The following NDRG4 variants were observed in gnomAD, a reference collection of about 807,000 sequenced individuals.
NDRG4 encodes NDRG family member 4, also known as protein NDRG4.
NDRG4 carries 38 observed loss-of-function variants against 55.8 expected under a neutral mutation model. That is an observed-to-expected ratio of 0.68 (90% CI 0.53 to 0.89). NDRG4 has a LOEUF of 0.89. NDRG4 is among the 40% of genes least tolerant of loss of function. The pLI is 0.00. For synonymous variants in NDRG4, 190 were observed against 182.7 expected, an observed-to-expected ratio of 1.04 and a Z score of -0.32; for missense variants, 455 against 468.6, an observed-to-expected ratio of 0.97 and a Z score of 0.27.
chr16:58,508,959 CA>C lies in NDRG4; in HGVS notation c.730-2del. 1 of 1,613,756 alleles carries C rather than the reference CA, an allele frequency of 6.2e-7. No individual in the cohort carries two copies. The highest frequency in any genetic ancestry group is 8.5e-7 in the Non-Finnish European group (1 of 1,179,898). On this transcript the variant is annotated splice_acceptor_variant, in intron 10 of 14. Transcript: ENST00000570248. LOFTEE classifies it high-confidence loss of function. ...GTTGCTGAAGCTGGCTCCTTGTCCT[CA>C]GGTGGAGTGCAACTCCAAACTGGAC...
intron 1 of NDRG4, among the ~76,000 whole-genome samples, chr16:58,485,648 G>C (rs1363972768): frequency 6.6e-6 from 1 of 152,128 alleles, no homozygotes; most frequent in Non-Finnish European, 1.5e-5. Context: ...TGAAAGGATG[G>C]AAATGGGAGC....
upstream of NDRG4, among the ~76,000 whole-genome samples, chr16:58,495,283 C>T (rs1487721699): frequency 6.6e-6 from 1 of 152,214 alleles, no homozygotes; most frequent in Non-Finnish European, 1.5e-5. Flanking sequence ...TAAAATAGCT[C>T]CTGTTTCCAT....
At chr16:58,500,442 A>T in intron 1 of NDRG4, 173 bp downstream of exon 1, 2 of 775,826 alleles carry the variant, frequency 2.6e-6, no homozygotes, top group Non-Finnish European at 3.7e-6. Flanking sequence ...TTCCCTGGTG[A>T]TCCTGTTTGC....
At chr16:58,490,767 C>T (rs1029056947) in intron 2 of NDRG4, among the ~76,000 whole-genome samples, 4 of 152,068 alleles carry the variant, frequency 2.6e-5, no homozygotes, top group South Asian at 2.1e-4. Flanking sequence ...ACCTGAGATC[C>T]GGAGTTCAAG....
intron 1 of NDRG4, 178 bp from the exon 2 acceptor site, chr16:58,503,620 G>A: frequency 8.0e-7 from 1 of 1,245,480 alleles, no homozygotes; most frequent in Admixed American, 2.0e-5. Context: ...ACAGCCCTGA[G>A]AAGGGGTGTT....
intron 1 of NDRG4, among the ~76,000 whole-genome samples, chr16:58,469,404 C>T (rs1381434327): frequency 6.6e-6 from 1 of 152,072 alleles, no homozygotes; most frequent in Non-Finnish European, 1.5e-5. Flanking sequence ...GAGGGGCGTG[C>T]TGTTCCTCTG....
rs1166088567 is a variant in NDRG4 at position 58,512,329 on chromosome 16, C to T, written c.*753C>T. ...CCTGGTCCTCTGTCCCCACAGTGAC[C>T]TGACTGGGGGTGAGGGAGAAGGAGG... On this transcript the variant is annotated 3_prime_UTR_variant, in exon 15 of 15. Transcript: ENST00000570248. 1.2e-5 allele frequency: 4 copies of T among 339,184 alleles called. No individual in the cohort carries two copies. Among genetic ancestry groups the T allele is most frequent in the Non-Finnish European group, 1.7e-5 (3 of 173,204 alleles). 21.0% of individuals were successfully genotyped at this position (339,184 alleles called of 1,614,324 possible).
chr16:58,507,701 A>T, intron 8 of NDRG4, 107 bp from the exon 9 acceptor site: 1 of 1,034,638 alleles, frequency 9.7e-7, no homozygotes, highest in Non-Finnish European at 1.5e-6. Context: ...TATGCAGAGC[A>T]GGTCCACGCC....
chr16:58,498,752 G>A (rs566350711), upstream of NDRG4, among the ~76,000 whole-genome samples: 4 of 152,222 alleles, frequency 2.6e-5, no homozygotes, highest in East Asian at 5.8e-4. Flanking sequence ...AAATGGGGCA[G>A]TCTGTGTGCC....
At position 58,513,383 on chromosome 16, in the gene NDRG4, G is replaced by A. The variant is rs1263223822; in HGVS notation, c.*1807G>A. The A allele has an allele frequency of 6.6e-6, 1 of 152,210 alleles. No homozygotes were observed. The highest frequency in any genetic ancestry group is 1.5e-5 in the Non-Finnish European group (1 of 68,048). 9.4% of individuals were successfully genotyped at this position (152,210 alleles called of 1,614,324 possible). A position where few individuals can be genotyped will look rare whatever the true frequency, so the allele number is the denominator to read the frequency against. Reference sequence around the variant, plus strand: ...CTAGTCAACGTAGAAAGAGTTAACTGTGCTGAAAAACTAATAAAGAACCTA... The same window carrying A: ...CTAGTCAACGTAGAAAGAGTTAACTATGCTGAAAAACTAATAAAGAACCTA... On this transcript the variant is annotated 3_prime_UTR_variant, in exon 15 of 15. Transcript: ENST00000570248.
chr16:58,504,831 T>C (rs915497417), intron 5 of NDRG4, 182 bp downstream of exon 5: 1 of 630,398 alleles, frequency 1.6e-6, no homozygotes, highest in Non-Finnish European at 2.8e-6. Flanking sequence ...AAATTAACTT[T>C]TTTAAAAAAG....
chr16:58,508,065 C>G, intron 10 of NDRG4, 66 bp downstream of exon 10: 1 of 1,409,958 alleles, frequency 7.1e-7, no homozygotes, highest in Non-Finnish European at 9.6e-7. Context: ...TGGCCCCTGC[C>G]CAGCAGGGAC....
At chr16:58,504,689 C>G (rs951540069) in intron 5 of NDRG4, 40 bp downstream of exon 5, 16 of 1,611,734 alleles carry the variant, frequency 9.9e-6, no homozygotes, top group Non-Finnish European at 1.3e-5. Context: ...AACACCAGGG[C>G]AAGCCAGGGA....
In NDRG4 at chr16:58,464,245, A is replaced by C; in HGVS notation, c.-24+448A>C. 2.3e-6 allele frequency: 1 copy of C among 435,974 alleles called. No individual in the cohort carries two copies. The highest frequency in any genetic ancestry group is 3.9e-6 in the Non-Finnish European group (1 of 259,024). The allele number at this position is 435,974 out of a possible 1,614,324, so 27.0% of individuals were successfully genotyped here. Reference sequence around the variant, plus strand: ...CCATGCAATTGGTGGATTTTTTTAAACCGTTTTGGAGGGGGGAGCGCGGCG... The same window carrying C: ...CCATGCAATTGGTGGATTTTTTTAACCCGTTTTGGAGGGGGGAGCGCGGCG... On this transcript the variant is annotated intron_variant, in intron 1 of 15. Transcript: ENST00000258187. This position sits in a 1 kb window ranked among gnomAD's most constrained non-coding sequence, Gnocchi z 4.8.
At chr16:58,473,811 A>C (rs2033208629) in intron 1 of NDRG4, among the ~76,000 whole-genome samples, 1 of 152,110 alleles carries the variant, frequency 6.6e-6, no homozygotes, top group Non-Finnish European at 1.5e-5. Flanking sequence ...ACATTGCAGA[A>C]GGAGGGATCC....
At chr16:58,465,686 G>GCCAGGAGTT (rs1167065108) in intron 1 of NDRG4, among the ~76,000 whole-genome samples, 1 of 152,086 alleles carries the variant, frequency 6.6e-6, no homozygotes, top group Non-Finnish European at 1.5e-5. Context: ...ATCGCTTAAG[G>GCCAGGAGTT]CCAGGAGTTC....
rs1196586845 is a variant in NDRG4, at chr16:58,500,172, C to T, written c.-77C>T. 1.4e-5 allele frequency: 22 copies of T among 1,535,694 alleles called. No homozygotes were observed. The South Asian group carries it at 2.1e-4, about 15-fold the overall frequency. On this transcript the variant is annotated 5_prime_UTR_variant, in exon 1 of 15. Coordinates refer to ENST00000570248, the MANE Select transcript of NDRG4 (RefSeq NM_001242835.2). ...AGCCGACCATCTCCCACTCGAGCTGCCCCCGCCCTCTGGACCCGAGTGACT... is the reference window on the plus strand; with the variant it reads ...AGCCGACCATCTCCCACTCGAGCTGTCCCCGCCCTCTGGACCCGAGTGACT...
chr16:58,509,912 T>C (rs2038563435), intron 13 of NDRG4, among the ~76,000 whole-genome samples: 1 of 151,982 alleles, frequency 6.6e-6, no homozygotes, highest in African/African-American at 2.4e-5. Flanking sequence ...AATCTGGGTC[T>C]GGGGTGGAAC....
chr16:58,501,338 T>C (rs1434435385), intron 1 of NDRG4: 2 of 357,496 alleles, frequency 5.6e-6, no homozygotes, highest in African/African-American at 4.2e-5. Context: ...TCCCCTCCAG[T>C]GCTCAAGGTC....
Sources: gnomAD v4.1 joint callset for allele counts (sites outside exome capture counted in the v4.1 genomes callset) on GRCh38, gnomAD v4.1.1 for gene constraint, Gnocchi (gnomAD v3.1) non-coding constraint, MANE v1.5 for transcripts, NCBI Gene and HGNC (gene_info 2026-07-23, HGNC 2026-07-21) for gene names.